Variants in ROBO1 observed in about 807,000 individuals in gnomAD.
ROBO1 encodes roundabout homolog 1.
ROBO1 carries 149 observed loss-of-function variants against 195.9 expected under a neutral mutation model. The ratio of observed to expected loss-of-function variants is 0.76; its 90% confidence interval spans 0.67 to 0.87. ROBO1 has a LOEUF of 0.87. Ranked by LOEUF, ROBO1 falls within the 40% of genes least tolerant of loss-of-function variation. The pLI, the probability that ROBO1 is intolerant of heterozygous loss-of-function variation, is 0.00. For synonymous variants in ROBO1, 816 were observed against 733.2 expected (o/e 1.11, Z -1.82); for missense variants, 1,933 against 2,068.3 (o/e 0.93, Z 1.27).
chr3:79,117,242 C>T (rs1471802325), intron 3 of ROBO1, among the ~76,000 whole-genome samples: 1 of 151,996 alleles, frequency 6.6e-6, no homozygotes, highest in Non-Finnish European at 1.5e-5. Context: ...TGGTGGCACG[C>T]ACCTGTAGTC....
At chr3:78,769,916 T>C (rs1446531168) in intron 4 of ROBO1, among the ~76,000 whole-genome samples, 5 of 152,150 alleles carry the variant, frequency 3.3e-5, no homozygotes, top group Admixed American at 2.0e-4. Context: ...CAATCCCTCC[T>C]AGCTTGTAGG....
At chr3:78,791,383 C>T (rs2084015270) in intron 4 of ROBO1, among the ~76,000 whole-genome samples, 1 of 152,086 alleles carries the variant, frequency 6.6e-6, no homozygotes, top group Admixed American at 6.5e-5. Context: ...TCCTTTGCTT[C>T]AAATAAAACA....
chr3:79,508,051 C>T (rs546697291), intron 2 of ROBO1: 5 of 151,708 alleles, frequency 3.3e-5, no homozygotes, highest in South Asian at 2.1e-4. Context: ...GGGAGTTGAA[C>T]GATGAGAACA....
At chr3:79,417,608 T>G (rs2038059134) in intron 2 of ROBO1, among the ~76,000 whole-genome samples, 2 of 152,196 alleles carry the variant, frequency 1.3e-5, no homozygotes, top group Admixed American at 6.6e-5. Flanking sequence ...TACTCTCTTT[T>G]CATCCCAACT....
chr3:79,519,056 G>A (rs1189669965), intron 2 of ROBO1, among the ~76,000 whole-genome samples: 1 of 151,988 alleles, frequency 6.6e-6, no homozygotes, highest in Non-Finnish European at 1.5e-5. Context: ...GTTATTAATA[G>A]CTGTTAATCT....
chr3:79,428,929 A>G (rs1303577811), intron 2 of ROBO1, among the ~76,000 whole-genome samples: 2 of 152,176 alleles, frequency 1.3e-5, no homozygotes, highest in Non-Finnish European at 2.9e-5. Flanking sequence ...AGGCCAAGTT[A>G]TAAGAACAGA....
At chr3:79,746,560 A>G (rs1385926242) in intron 1 of ROBO1, among the ~76,000 whole-genome samples, 1 of 152,060 alleles carries the variant, frequency 6.6e-6, no homozygotes, top group Admixed American at 6.5e-5. Context: ...TGTTAGCTCA[A>G]TTTCTACCTC....
At chr3:79,268,364 T>G (rs1479745542) in intron 2 of ROBO1, among the ~76,000 whole-genome samples, 8 of 151,642 alleles carry the variant, frequency 5.3e-5, no homozygotes. Context: ...GTCCTCAAAC[T>G]TTTTTTCAAT....
intron 2 of ROBO1, among the ~76,000 whole-genome samples, chr3:79,375,529 G>T (rs1044060720): frequency 1.5e-4 from 23 of 152,156 alleles, no homozygotes; most frequent in African/African-American, 4.3e-4. Flanking sequence ...ACCAGCCAGT[G>T]GCCCTGAAGA....
At chr3:78,630,829 C>T (rs1421029788) in intron 25 of ROBO1, among the ~76,000 whole-genome samples, 1 of 152,150 alleles carries the variant, frequency 6.6e-6, no homozygotes, top group Non-Finnish European at 1.5e-5. Context: ...ATTTCAAGAC[C>T]TGTCACAGAA....
intron 1 of ROBO1, among the ~76,000 whole-genome samples, chr3:79,625,423 G>GAAAAAAAAAAAAAAAAAAAAAA: frequency 1.4e-4 from 2 of 13,880 alleles, no homozygotes; most frequent in Non-Finnish European, 2.6e-4. Context: ...TGTTTTTTTT[G>GAAAAAAAAAAAAAAAAAAAAAA]AAAAAAAAAA....
chr3:79,182,582 T>G (rs575643649), intron 2 of ROBO1, among the ~76,000 whole-genome samples: 7 of 150,796 alleles, frequency 4.6e-5, no homozygotes, highest in African/African-American at 1.7e-4. Context: ...CGTGCGTGCA[T>G]GCACGCACTG....
intron 1 of ROBO1, among the ~76,000 whole-genome samples, chr3:79,606,708 T>A (rs1234526845): frequency 2.0e-5 from 3 of 151,980 alleles, no homozygotes; most frequent in Non-Finnish European, 2.9e-5. Flanking sequence ...ACCCTTGATA[T>A]CATATTTGCC....
intron 1 of ROBO1, among the ~76,000 whole-genome samples, chr3:79,718,533 G>A (rs1702576999): frequency 6.6e-6 from 1 of 151,876 alleles, no homozygotes; most frequent in Non-Finnish European, 1.5e-5. Context: ...ATTATGATAT[G>A]TATTATAGTG....
At chr3:79,319,248 G>C (rs1486239489) in intron 2 of ROBO1, among the ~76,000 whole-genome samples, 1 of 152,060 alleles carries the variant, frequency 6.6e-6, no homozygotes, top group African/African-American at 2.4e-5. Context: ...GTAGCTAGTG[G>C]CTACCACATT....
At chr3:78,730,834 T>C (rs1484045883) in intron 5 of ROBO1, among the ~76,000 whole-genome samples, 1 of 152,166 alleles carries the variant, frequency 6.6e-6, no homozygotes. Context: ...ATTAAAATAT[T>C]TCTACATACA....
intron 2 of ROBO1, among the ~76,000 whole-genome samples, chr3:79,283,490 T>C (rs2031662532): frequency 6.6e-6 from 1 of 152,208 alleles, no homozygotes; most frequent in East Asian, 1.9e-4. Context: ...ACAGTACAGA[T>C]TGGTATATTA....
At chr3:79,341,219 G>C (rs1035430548) in intron 2 of ROBO1, among the ~76,000 whole-genome samples, 1 of 152,116 alleles carries the variant, frequency 6.6e-6, no homozygotes, top group African/African-American at 2.4e-5. Context: ...TTCTGGTAGA[G>C]TGTTTTTGCT....
At chr3:79,685,751 T>C (rs1200381378) in intron 1 of ROBO1, among the ~76,000 whole-genome samples, 6 of 151,992 alleles carry the variant, frequency 3.9e-5, no homozygotes, top group Non-Finnish European at 4.4e-5. Flanking sequence ...GCTACAAAAG[T>C]CCAGGACCAG....
Sources: gnomAD v4.1 joint callset for allele counts (sites outside exome capture counted in the v4.1 genomes callset) on GRCh38, gnomAD v4.1.1 for gene constraint, MANE v1.5 for transcripts, NCBI Gene and HGNC (gene_info 2026-07-23, HGNC 2026-07-21) for gene names.